The following FHIP1A variants were observed in gnomAD, a reference collection of about 807,000 sequenced individuals.
FHIP1A encodes FHF complex subunit HOOK-interacting protein 1A.
FHIP1A carries 61 observed loss-of-function variants against 88.6 expected under a neutral mutation model. The ratio of observed to expected loss-of-function variants is 0.69; its 90% CI spans 0.56 to 0.85. The LOEUF is 0.85. Ranked by LOEUF, FHIP1A falls within the 40% of genes least tolerant of loss-of-function variation. The pLI is 0.00. For missense variants in FHIP1A, 1,154 were observed against 1,273.5 expected (o/e 0.91, Z 1.43); for synonymous variants, 478 against 496.0 (o/e 0.96, Z 0.48).
intron 3 of FHIP1A, among the ~76,000 whole-genome samples, chr4:151,560,044 A>G (rs140453295): frequency 6.6e-6 from 1 of 152,284 alleles, no homozygotes; most frequent in East Asian, 1.9e-4. Context: ...GGGGCACCTC[A>G]TGGACCCTTT....
chr4:151,565,184 C>T (rs759169692), intron 3 of FHIP1A, among the ~76,000 whole-genome samples: 5 of 151,740 alleles, frequency 3.3e-5, no homozygotes, highest in Admixed American at 6.6e-5. Context: ...AATCTGTACA[C>T]GAAAAAAAAT....
intron 3 of FHIP1A, among the ~76,000 whole-genome samples, chr4:151,516,248 A>G (rs1420164798): frequency 1.3e-5 from 2 of 152,230 alleles, no homozygotes; most frequent in Middle Eastern, 3.4e-3. Context: ...GGCTAGCCAT[A>G]TGTAGAAAGC....
chr4:151,649,882 C>A lies in FHIP1A; in HGVS notation c.1841C>A (p.Pro614His), dbSNP rs757059748. ...VSGPPAPIDP[P>H]KHIQEMKKNA... ...GGCCCCCCAGCACCCATTGATCCCCCCAAACACATCCAGGAGATGAAGAAG... is the reference window on the plus strand; with the variant it reads ...GGCCCCCCAGCACCCATTGATCCCCACAAACACATCCAGGAGATGAAGAAG... Residue 614 changes from proline to histidine, a missense_variant, in exon 11 of 14, where the codon CCC (proline) becomes CAC (histidine). Pro to His is a moderately conservative substitution (Grantham distance 77, BLOSUM62 -2). Transcript: ENST00000435205. 45 of 1,551,440 alleles carry A rather than the reference C, an allele frequency of 2.9e-5. 1 individual carries two copies. In the South Asian group the frequency reaches 4.9e-4, roughly 17 times the overall value.
intron 1 of FHIP1A, among the ~76,000 whole-genome samples, chr4:151,419,595 T>TTTTTA (rs1206627417): frequency 2.0e-5 from 1 of 49,768 alleles, no homozygotes; most frequent in East Asian, 4.4e-4. Context: ...TTTTTTTTTT[T>TTTTTA]TTTTTTTATT....
chr4:151,624,467 T>C (rs1448731254), intron 7 of FHIP1A, among the ~76,000 whole-genome samples: 1 of 152,158 alleles, frequency 6.6e-6, no homozygotes, highest in African/African-American at 2.4e-5. Context: ...TGTTTCACTA[T>C]TCAGGGCCTG....
rs1463978463 is a variant in FHIP1A at position 151,662,570 on chromosome 4, A to T, written c.2939A>T (p.Gln980Leu). 2.6e-6 allele frequency: 4 copies of T among 1,551,572 alleles called. No homozygotes were observed. Among genetic ancestry groups the T allele is most frequent in the Non-Finnish European group, 3.5e-6 (4 of 1,146,948 alleles). Residue 980 changes from glutamine to leucine, a missense_variant, in exon 14 of 14, where the codon CAG becomes CTG. Physicochemically the swap from Gln to Leu is moderately radical, Grantham distance 113 (BLOSUM62 -2). Transcript: ENST00000435205. Reference protein sequence around the residue: ...NLLDGPPRVLQPFLTHRTKVA... With the variant: ...NLLDGPPRVLLPFLTHRTKVA... ...TTGGATGGACCTCCAAGAGTGCTTC[A>T]GCCCTTCCTGACCCACAGAACCAAG...
rs563197806 is a variant in FHIP1A at position 151,667,631 on chromosome 4, G to A, written c.*4877G>A. On this transcript the variant is annotated 3_prime_UTR_variant, in exon 14 of 14. Coordinates refer to ENST00000435205, the MANE Select transcript of FHIP1A (RefSeq NM_001109977.3). ...GGAAAAGAATGACCAGGAGAAGGTG[G>A]GTGGAAGCCTTCAGTTCTTTGACCT... 6.5e-4 allele frequency among the ~76,000 whole-genome samples: 99 copies of A among 152,240 alleles called. 1 individual carries two copies. Among genetic ancestry groups the A allele is most frequent in the African/African-American group, 2.1e-3 (87 of 41,542 alleles).
Position 151,433,310 on chromosome 4 carries a change from G to A in FHIP1A, c.-355-21391G>A, listed in dbSNP as rs1733665011. On this transcript the variant is annotated intron_variant, in intron 1 of 13. Transcript: ENST00000435205. ...TTCTGATCTAGGATGGTGACCCTGG[G>A]GCTAGAGAAAATGTGATGGGTCCCT... 2.6e-5 allele frequency among the ~76,000 whole-genome samples: 4 copies of A among 151,364 alleles called. 1 individual carries two copies. The South Asian group carries it at 8.4e-4, about 32-fold the overall frequency.
At chr4:151,546,735 A>C (rs1057496027) in intron 3 of FHIP1A, among the ~76,000 whole-genome samples, 1 of 152,212 alleles carries the variant, frequency 6.6e-6, no homozygotes, top group African/African-American at 2.4e-5. Context: ...TGGGGATTCA[A>C]TATTTGGCTT....
At chr4:151,509,449 G>A (rs1730947756) in intron 3 of FHIP1A, among the ~76,000 whole-genome samples, 1 of 152,180 alleles carries the variant, frequency 6.6e-6, no homozygotes. Flanking sequence ...ACAGGCGTGA[G>A]CCACCTTGCC....
At chr4:151,460,495 A>T (rs1051192346) in intron 2 of FHIP1A, among the ~76,000 whole-genome samples, 1 of 152,122 alleles carries the variant, frequency 6.6e-6, no homozygotes, top group African/African-American at 2.4e-5. Context: ...TGCTGTCTTA[A>T]TATTTTAAGT....
intron 3 of FHIP1A, among the ~76,000 whole-genome samples, chr4:151,535,658 TAC>T (rs1732042669): frequency 6.6e-6 from 1 of 152,242 alleles, no homozygotes; most frequent in African/African-American, 2.4e-5. Context: ...ATTCAGACTG[TAC>T]AGTTTAATGA....
intron 3 of FHIP1A, among the ~76,000 whole-genome samples, chr4:151,510,670 C>G (rs979747256): frequency 1.3e-5 from 2 of 152,144 alleles, no homozygotes; most frequent in Admixed American, 1.3e-4. Flanking sequence ...AGCTAGCAAT[C>G]TAGCAGTGGG....
At chr4:151,606,063 A>C (rs1735062105) in intron 7 of FHIP1A, among the ~76,000 whole-genome samples, 1 of 152,242 alleles carries the variant, frequency 6.6e-6, no homozygotes, top group South Asian at 2.1e-4. Flanking sequence ...TTGCAGGAGG[A>C]ATACACTGAT....
chr4:151,457,253 A>G (rs567260661), intron 2 of FHIP1A, among the ~76,000 whole-genome samples: 32 of 152,236 alleles, frequency 2.1e-4, no homozygotes, highest in Non-Finnish European at 4.6e-4. Flanking sequence ...GCTAAGTAAG[A>G]ATAGAAAAAT....
intron 4 of FHIP1A, among the ~76,000 whole-genome samples, chr4:151,570,472 GTC>G (rs10533461): frequency 0.28 from 41,916 of 151,838 alleles, 6,122 homozygotes; most frequent in Non-Finnish European, 0.33. Context: ...TAGAGAGAGA[GTC>G]TCTCTATGTT....
intron 3 of FHIP1A, among the ~76,000 whole-genome samples, chr4:151,483,839 G>A (rs557990342): frequency 2.6e-5 from 4 of 152,104 alleles, no homozygotes; most frequent in Non-Finnish European, 4.4e-5. Flanking sequence ...ATCATAAATA[G>A]CAGTTTTATG....
intron 8 of FHIP1A, among the ~76,000 whole-genome samples, chr4:151,632,306 G>T (rs904823172): frequency 1.1e-4 from 16 of 151,736 alleles, no homozygotes; most frequent in Admixed American, 8.5e-4. Flanking sequence ...ATATATATAT[G>T]CATGTAACAT....
chr4:151,605,095 A>G (rs1735022196), intron 7 of FHIP1A, among the ~76,000 whole-genome samples: 1 of 152,134 alleles, frequency 6.6e-6, no homozygotes, highest in Non-Finnish European at 1.5e-5. Flanking sequence ...GCAGCCAAAG[A>G]TGGCTTCAGT....
Sources: gnomAD v4.1 joint callset for allele counts (sites outside exome capture counted in the v4.1 genomes callset) on GRCh38, gnomAD v4.1.1 for gene constraint, MANE v1.5 for transcripts, NCBI Gene and HGNC (gene_info 2026-07-23, HGNC 2026-07-21) for gene names.